The following CLEC4A variants were observed in gnomAD, a reference collection of about 807,000 sequenced individuals.
CLEC4A encodes the protein C-type (calcium dependent, carbohydrate-recognition domain) lectin, superfamily member 6.
Under a neutral mutation model 32.7 loss-of-function variants are expected in CLEC4A, and 27 were observed. That is an observed-to-expected ratio of 0.83 (90% CI 0.61 to 1.14). The LOEUF (loss-of-function observed/expected upper bound fraction) is 1.14. Ranked by LOEUF, CLEC4A falls within the 50% of genes most tolerant of loss-of-function variation. The probability of loss-of-function intolerance (pLI) is 0.00; values close to 1 mark genes in which losing one functional copy is unlikely to be tolerated. For missense variants in CLEC4A, 253 were observed against 274.6 expected (o/e 0.92, Z 0.55); for synonymous variants, 89 against 93.7 (o/e 0.95, Z 0.29).
At chr12:8,116,533 C>T in the CLEC4A span, among the ~76,000 whole-genome samples, 1 of 152,184 alleles carries the variant, frequency 6.6e-6, no homozygotes, top group Non-Finnish European at 1.5e-5. Context: ...TATGACCCAT[C>T]TGTATTGGCA....
chr12:8,108,630 G>A, the CLEC4A span, among the ~76,000 whole-genome samples: 1 of 152,000 alleles, frequency 6.6e-6, no homozygotes, highest in Non-Finnish European at 1.5e-5. Flanking sequence ...GCATTTTTAT[G>A]GTTTGACATT....
the CLEC4A span, among the ~76,000 whole-genome samples, chr12:8,114,371 A>C: frequency 6.6e-5 from 10 of 152,008 alleles, no homozygotes; most frequent in African/African-American, 2.4e-4. Flanking sequence ...CAGCCTCCCG[A>C]GTAGCTGGGA....
the CLEC4A span, among the ~76,000 whole-genome samples, chr12:8,107,295 T>A: frequency 1.3e-5 from 2 of 152,316 alleles, no homozygotes; most frequent in South Asian, 4.1e-4. Context: ...TGTTGATGAT[T>A]TTTGCATCTA....
At chr12:8,129,225 G>T in intron 2 of CLEC4A, 39 bp from the exon 3 acceptor site, 2 of 1,290,520 alleles carry the variant, frequency 1.5e-6, no homozygotes, top group Non-Finnish European at 2.2e-6. Context: ...AAGTCATAAT[G>T]CTACCAGGAA....
intron 3 of CLEC4A, chr12:8,134,268 T>C: frequency 6.2e-7 from 1 of 1,612,638 alleles, no homozygotes; most frequent in African/African-American, 1.3e-5. Context: ...TCACACATGT[T>C]CTTGAAGCTA....
upstream of CLEC4A, among the ~76,000 whole-genome samples, chr12:8,119,570 C>G (rs2120551482): frequency 6.6e-6 from 1 of 152,310 alleles, no homozygotes; most frequent in Admixed American, 6.5e-5. Context: ...AAATATCAAA[C>G]AGTAAAAAAT....
At chr12:8,106,014 G>A in the CLEC4A span, among the ~76,000 whole-genome samples, 1 of 152,030 alleles carries the variant, frequency 6.6e-6, no homozygotes, top group African/African-American at 2.4e-5. Flanking sequence ...GGTTTTTATA[G>A]TTTTATGTTT....
chr12:8,114,912 A>C, the CLEC4A span, among the ~76,000 whole-genome samples: 1 of 152,178 alleles, frequency 6.6e-6, no homozygotes, highest in South Asian at 2.1e-4. Context: ...CTGAGGACCC[A>C]ATAGCATTTC....
chr12:8,116,622 T>G, the CLEC4A span, among the ~76,000 whole-genome samples: 1 of 152,224 alleles, frequency 6.6e-6, no homozygotes, highest in Non-Finnish European at 1.5e-5. Flanking sequence ...GGTACTAATC[T>G]TTGTGATTTC....
the CLEC4A span, among the ~76,000 whole-genome samples, chr12:8,111,075 G>A: frequency 2.0e-5 from 3 of 151,292 alleles, no homozygotes; most frequent in Admixed American, 1.3e-4. Context: ...GGGTTTCACT[G>A]TGTTAGCCAG....
chr12:8,111,473 C>T, the CLEC4A span, among the ~76,000 whole-genome samples: 2 of 152,178 alleles, frequency 1.3e-5, no homozygotes, highest in Admixed American at 6.5e-5. Flanking sequence ...AGCCACTGCA[C>T]CTGGCCTTCT....
At chr12:8,124,759 T>C (rs1016658505) in intron 1 of CLEC4A, among the ~76,000 whole-genome samples, 1 of 152,198 alleles carries the variant, frequency 6.6e-6, no homozygotes, top group Non-Finnish European at 1.5e-5. Flanking sequence ...TATAATTTCT[T>C]TATTACACAA....
the CLEC4A span, among the ~76,000 whole-genome samples, chr12:8,113,273 A>G: frequency 3.3e-5 from 5 of 151,908 alleles, no homozygotes; most frequent in African/African-American, 1.2e-4. Context: ...AGTTTCATCC[A>G]TGTCCCTACA....
intron 2 of CLEC4A, among the ~76,000 whole-genome samples, chr12:8,125,969 C>T (rs117623856): frequency 0.017 from 2,626 of 152,246 alleles, 35 homozygotes; most frequent in Non-Finnish European, 0.026. Flanking sequence ...ATACTAGACA[C>T]TATGTAAGTG....
chr12:8,135,465 T>C lies in CLEC4A; in HGVS notation c.299-120T>C, dbSNP rs1313551003. The C allele has an allele frequency of 4.1e-6, 4 of 977,908 alleles. No individual in the cohort carries two copies. The East Asian group carries it at 1.0e-4, about 26-fold the overall frequency. The allele number at this position is 977,908 out of a possible 1,614,324, so 60.6% of individuals were successfully genotyped here. A position where few individuals can be genotyped will look rare whatever the true frequency, so the allele number is the denominator to read the frequency against. ...AGGGGCAGGGGCTCCTGGTTGCATC[T>C]GAGTGTGGAGGGGAGTTCCAGCTTC... On this transcript the variant is annotated intron_variant, in intron 3 of 5. Coordinates refer to ENST00000229332, the MANE Select transcript of CLEC4A (RefSeq NM_016184.4).
chr12:8,120,094 A>G (rs867419164), upstream of CLEC4A, among the ~76,000 whole-genome samples: 7 of 152,330 alleles, frequency 4.6e-5, no homozygotes, highest in African/African-American at 1.4e-4. Context: ...TTAGAACTTT[A>G]ATGTGTGATA....
At chr12:8,103,355 G>GT in the CLEC4A span, among the ~76,000 whole-genome samples, 108,879 of 119,324 alleles carry the variant, frequency 0.91, 50,774 homozygotes, top group Non-Finnish European at 0.99. Context: ...ACTACTAGTT[G>GT]TTTCTTTGTT....
the CLEC4A span, among the ~76,000 whole-genome samples, chr12:8,103,341 A>G: frequency 7.5e-6 from 1 of 133,980 alleles, no homozygotes. Flanking sequence ...TAACAAACTT[A>G]AGAACTACTA....
In CLEC4A at chr12:8,129,438, T is replaced by G. The variant is rs1947957505; in HGVS notation, c.298+76T>G. The G allele has an allele frequency of 6.3e-6, 6 of 958,024 alleles. 1 individual carries two copies. The Middle Eastern group carries it at 1.3e-3, about 206-fold the overall frequency. 59.3% of individuals were successfully genotyped at this position (958,024 alleles called of 1,614,324 possible). On this transcript the variant is annotated intron_variant, in intron 3 of 5. Transcript: ENST00000229332. ...TCCCAAATCAATATTTCCAGTAAGATTCCCAGGTAGATCATACTGAAAAGT... is the reference window on the plus strand; with the variant it reads ...TCCCAAATCAATATTTCCAGTAAGAGTCCCAGGTAGATCATACTGAAAAGT...
Sources: gnomAD v4.1 joint callset for allele counts (sites outside exome capture counted in the v4.1 genomes callset) on GRCh38, gnomAD v4.1.1 for gene constraint, MANE v1.5 for transcripts, NCBI Gene and HGNC (gene_info 2026-07-23, HGNC 2026-07-21) for gene names.